Variants in SCARF1 observed in about 807,000 individuals in gnomAD.
SCARF1 encodes the protein scavenger receptor class F member 1, also known as acetyl LDL receptor.
A neutral mutation model predicts 76.3 loss-of-function variants in SCARF1; 49 were observed. The ratio of observed to expected loss-of-function variants is 0.64; its 90% CI spans 0.51 to 0.81. The LOEUF (loss-of-function observed/expected upper bound fraction) is 0.81, where lower values mean the gene tolerates loss of function less well. SCARF1 is among the 40% of genes least tolerant of loss of function. SCARF1 has a pLI of 0.00. For missense variants in SCARF1, 1,098 were observed against 1,143.9 expected (o/e 0.96, Z 0.58); for synonymous variants, 495 against 474.6 (o/e 1.04, Z -0.56).
chr17:1,638,960 T>C (rs1473056036), intron 7 of SCARF1, 34 bp from the exon 8 acceptor site: 1 of 1,552,984 alleles, frequency 6.4e-7, no homozygotes, highest in East Asian at 2.3e-5. Flanking sequence ...TATTCAGGCC[T>C]TCCTGTCTCC....
Position 1,635,281 on chromosome 17 carries a change from G to T in SCARF1, c.1970C>A (p.Ala657Asp). 2 of 1,612,210 alleles carry T rather than the reference G, an allele frequency of 1.2e-6. No homozygotes were observed. The highest frequency in any genetic ancestry group is 1.7e-6 in the Non-Finnish European group (2 of 1,179,248). Residue 657 changes from alanine (A) to aspartate (D), a missense_variant, in exon 11 of 11, where the codon GCC becomes GAC. Coordinates refer to ENST00000263071, the MANE Select transcript of SCARF1 (RefSeq NM_003693.4). ...AAGTGGGGGCCGCCGGTGGCCAGTG[G>T]CTGAATCCCCGGGACTGGCAGCCGC... is the stretch of plus-strand genomic sequence containing the variant. ...FPAAASPGDS[A>D]TGHRRPPLGG... is the part of the protein sequence containing the mutation.
chr17:1,636,780 T>A lies in SCARF1; in HGVS notation c.1562A>T (p.Asp521Val). 6.2e-7 allele frequency: 1 copy of A among 1,612,500 alleles called. No individual in the cohort carries two copies. The highest frequency in any genetic ancestry group is 2.2e-5 in the East Asian group (1 of 44,816). Residue 521 changes from aspartate (D) to valine (V), a missense_variant, in exon 10 of 11, where the codon GAC becomes GTC. Transcript: ENST00000263071. ...EPPSAGWATDDSFSSDPESGE... is the reference protein window; with the variant it reads ...EPPSAGWATDVSFSSDPESGE... The stretch of plus-strand genomic sequence containing the variant: ...AGACTCAGGATCGGATGAGAAGGAG[T>A]CATCAGTGGCCCAGCCGGCAGAGGG...
chr17:1,635,262 G>T lies in SCARF1; in HGVS notation c.1989C>A (p.Pro663=), dbSNP rs774552190. 2 of 1,611,862 alleles carry T rather than the reference G, an allele frequency of 1.2e-6. No individual in the cohort carries two copies. The highest frequency in any genetic ancestry group is 2.2e-5 in the South Asian group (2 of 91,044). ...PGDSATGHRR[P]PLGGRTVAEH... ...CAGCCACTGTCCGGCCACCAAGTGG[G>T]GGCCGCCGGTGGCCAGTGGCTGAAT... The change falls in exon 11 of 11, where the codon CCC becomes CCA. Residue 663 remains proline (P), a synonymous_variant. Coordinates refer to ENST00000263071, the MANE Select transcript of SCARF1 (RefSeq NM_003693.4).
chr17:1,641,584 T>A (rs1188681057), intron 4 of SCARF1, among the ~76,000 whole-genome samples: 1 of 152,236 alleles, frequency 6.6e-6, no homozygotes, highest in African/African-American at 2.4e-5. Flanking sequence ...TGCCTAATAG[T>A]TACCTGAAGT....
intron 10 of SCARF1, among the ~76,000 whole-genome samples, chr17:1,636,289 C>T (rs1251615959): frequency 6.6e-6 from 1 of 152,248 alleles, no homozygotes; most frequent in Admixed American, 6.5e-5. Context: ...GTCTTGTTAT[C>T]TCTTGCATGC....
At chr17:1,642,221 A>C (rs1199527574) in intron 4 of SCARF1, among the ~76,000 whole-genome samples, 1 of 151,804 alleles carries the variant, frequency 6.6e-6, no homozygotes, top group African/African-American at 2.4e-5. Flanking sequence ...TTTAGGGTAC[A>C]TGTGCACATT....
Position 1,635,081 on chromosome 17 carries a change from C to A in SCARF1, c.2170G>T (p.Val724Phe), listed in dbSNP as rs375338375. The A allele has an allele frequency of 3.7e-5, 60 of 1,613,876 alleles. No homozygotes were observed. The highest frequency in any genetic ancestry group is 4.8e-5 in the Non-Finnish European group (57 of 1,180,002). Reference sequence around the variant, plus strand: ...GGAGGCTTAGGGATGGCCCTCTTGACCTTGGCTTCCGCCTGGCCTTTCTGG... The same window carrying A: ...GGAGGCTTAGGGATGGCCCTCTTGAACTTGGCTTCCGCCTGGCCTTTCTGG... The part of the protein sequence containing the change: ...SFQKGQAEAK[V>F]KRAIPKPPRQ... The change falls in exon 11 of 11, where the codon GTC (valine) becomes TTC (phenylalanine). Residue 724 changes from valine to phenylalanine, a missense_variant. By Grantham distance (50) the Val-to-Phe change is conservative. Transcript: ENST00000263071.
intron 8 of SCARF1, among the ~76,000 whole-genome samples, chr17:1,637,559 G>A (rs1357829537): frequency 5.3e-5 from 8 of 151,986 alleles, no homozygotes; most frequent in Non-Finnish European, 8.8e-5. Context: ...CGCAACCTTC[G>A]CCTCCTGGAT....
rs528245900 is a variant in SCARF1, at chr17:1,640,368, G to A, written c.1010+80C>T. 7.8e-7 allele frequency: 1 copy of A among 1,281,170 alleles called. No homozygotes were observed. 79.4% of individuals were successfully genotyped at this position (1,281,170 alleles called of 1,614,324 possible). A position where few individuals can be genotyped will look rare whatever the true frequency, so the allele number is the denominator to read the frequency against. ...CGCATGAACCTGTGTGTCGGGGAGGGTGGTGCTCTCGGAGAGAGCCGCTGA... is the reference window on the plus strand; with the variant it reads ...CGCATGAACCTGTGTGTCGGGGAGGATGGTGCTCTCGGAGAGAGCCGCTGA... On this transcript the variant is annotated intron_variant, in intron 5 of 10. Transcript: ENST00000263071. This position sits in a 1 kb window ranked among gnomAD's most constrained non-coding sequence, Gnocchi z 4.7.
At chr17:1,639,156 G>T (rs1405500201) in intron 7 of SCARF1, among the ~76,000 whole-genome samples, 4 of 152,176 alleles carry the variant, frequency 2.6e-5, no homozygotes, top group African/African-American at 9.7e-5. Flanking sequence ...GCAGGGGCGG[G>T]GGCTCTGTCA....
chr17:1,638,797 G>A lies in SCARF1; in HGVS notation c.1364+9C>T, dbSNP rs1200882766. 1 of 1,601,548 alleles carries A rather than the reference G, an allele frequency of 6.2e-7. No homozygotes were observed. Among genetic ancestry groups the A allele is most frequent in the Admixed American group, 1.7e-5 (1 of 59,296 alleles). ...GAGCTGTGTGGGGAAGGGACGGGCT[G>A]GCGTTCACCTGTCCTTGAGGTCTGA... On this transcript the variant is annotated intron_variant, in intron 8 of 10. Coordinates refer to ENST00000263071, the MANE Select transcript of SCARF1 (RefSeq NM_003693.4).
Position 1,637,904 on chromosome 17 carries a change from G to T in SCARF1, c.1365-842C>A, listed in dbSNP as rs541811506. ...CCTTTGCACCTGTCCTCGTGTCCCT[G>T]CGAGGGGCTTCTTCCCACCCTGGGC... On this transcript the variant is annotated intron_variant, in intron 8 of 10. Transcript: ENST00000263071. Among the ~76,000 whole-genome samples, 4 of 152,316 alleles carry T rather than the reference G, an allele frequency of 2.6e-5. No individual in the cohort carries two copies. In the East Asian group the frequency reaches 5.8e-4, roughly 22 times the overall value.
At position 1,634,855 on chromosome 17, in the gene SCARF1, G is replaced by A. The variant is rs577529995; in HGVS notation, c.2396C>T (p.Ser799Phe). 8.1e-6 allele frequency: 13 copies of A among 1,613,904 alleles called. No homozygotes were observed. Among genetic ancestry groups the A allele is most frequent in the African/African-American group, 1.3e-5 (1 of 74,966 alleles). Residue 799 changes from serine to phenylalanine, a missense_variant, in exon 11 of 11, where the codon TCC becomes TTC. Ser to Phe is a radical substitution (Grantham distance 155). Coordinates refer to ENST00000263071, the MANE Select transcript of SCARF1 (RefSeq NM_003693.4). ...RAQEPVSGCGSPEQDPQKQAE... is the reference protein window; with the variant it reads ...RAQEPVSGCGFPEQDPQKQAE... ...CTGCTTCTGGGGATCCTGTTCTGGG[G>A]AGCCACAGCCAGAGACTGGCTCCTG...
At position 1,645,066 on chromosome 17, in the gene SCARF1, A is replaced by C; in HGVS notation, c.163+112T>G. The C allele has an allele frequency of 4.6e-6, 7 of 1,537,620 alleles. No individual in the cohort carries two copies. The highest frequency in any genetic ancestry group is 6.2e-6 in the Non-Finnish European group (7 of 1,122,324). On this transcript the variant is annotated intron_variant, in intron 2 of 10. Coordinates refer to ENST00000263071, the MANE Select transcript of SCARF1 (RefSeq NM_003693.4). The surrounding 1 kb of genome is among the most constrained non-coding windows in gnomAD (Gnocchi z 6.3). ...AGGCCTGGGGGTGCGTCACAGGAGA[A>C]ACCCTGACTCCTGGTATCAGGAGGG... is the stretch of plus-strand genomic sequence containing the variant.
Position 1,640,477 on chromosome 17 carries a change from C to G in SCARF1, c.981G>C (p.Gln327His). 2 of 1,568,092 alleles carry G rather than the reference C, an allele frequency of 1.3e-6. No homozygotes were observed. Among genetic ancestry groups the G allele is most frequent in the Non-Finnish European group, 1.7e-6 (2 of 1,156,328 alleles). The change falls in exon 5 of 11, where the codon CAG becomes CAC. Residue 327 changes from glutamine to histidine, a missense_variant. Physicochemically the swap from Gln to His is conservative, Grantham distance 24. Coordinates refer to ENST00000263071, the MANE Select transcript of SCARF1 (RefSeq NM_003693.4). This position sits in a 1 kb window ranked among gnomAD's most constrained non-coding sequence, Gnocchi z 4.7. ...GCCCCAGCCAGCCAGGGTCACAGCG[C>G]TGACAGTGGCCAGTATCTGGCTCAC... ...EACEPDTGHC[Q>H]RCDPGWLGPR...
Position 1,645,087 on chromosome 17 carries a change from G to A in SCARF1, c.163+91C>T, listed in dbSNP as rs1910422930. ...GAGAAACCCTGACTCCTGGTATCAG[G>A]AGGGGCAGGCCCCATGGGGTAGGAA... is the stretch of plus-strand genomic sequence containing the variant. On this transcript the variant is annotated intron_variant, in intron 2 of 10. Transcript: ENST00000263071. This position sits in a 1 kb window ranked among gnomAD's most constrained non-coding sequence, Gnocchi z 6.3. The A allele has an allele frequency of 6.4e-7, 1 of 1,567,138 alleles. No individual in the cohort carries two copies. The highest frequency in any genetic ancestry group is 1.3e-5 in the African/African-American group (1 of 74,188).
chr17:1,643,869 C>CCTGGCA lies in SCARF1; in HGVS notation c.358_363dup (p.Cys120_Gln121dup). The CCTGGCA allele has an allele frequency of 7.7e-7, 1 of 1,299,162 alleles. No individual in the cohort carries two copies. Among genetic ancestry groups the CCTGGCA allele is most frequent in the South Asian group, 2.4e-5 (1 of 42,038 alleles). 80.5% of individuals were successfully genotyped at this position (1,299,162 alleles called of 1,614,324 possible). ...TCGCAGCGGGCTCCCCAGCGGTCGG[C>CCTGGCA]CTGGCACTGGCACGCGCCCGTGGCT... is the stretch of plus-strand genomic sequence containing the variant. On this transcript the variant is annotated inframe_insertion, in exon 4 of 11. Transcript: ENST00000263071.
At position 1,644,326 on chromosome 17, in the gene SCARF1, G is replaced by A; in HGVS notation, c.266-359C>T. The A allele has an allele frequency of 3.5e-6, 1 of 289,278 alleles. No homozygotes were observed. Among genetic ancestry groups the A allele is most frequent in the Non-Finnish European group, 6.4e-6 (1 of 155,424 alleles). 17.9% of individuals were successfully genotyped at this position (289,278 alleles called of 1,614,324 possible). On this transcript the variant is annotated intron_variant, in intron 3 of 10. Coordinates refer to ENST00000263071, the MANE Select transcript of SCARF1 (RefSeq NM_003693.4). The surrounding 1 kb of genome is among the most constrained non-coding windows in gnomAD (Gnocchi z 4.8). The stretch of plus-strand genomic sequence containing the variant: ...TCTCTGCTGGGCTGGAGGAGAGCTG[G>A]CTTTCTCCTGATCTCAGGCCTGGAT...
In SCARF1 at chr17:1,640,253, C is replaced by T. The variant is rs374476895; in HGVS notation, c.1010+195G>A. 1 of 765,008 alleles carries T rather than the reference C, an allele frequency of 1.3e-6. No individual in the cohort carries two copies. The highest frequency in any genetic ancestry group is 2.7e-5 in the East Asian group (1 of 37,098). 47.4% of individuals were successfully genotyped at this position (765,008 alleles called of 1,614,324 possible). On this transcript the variant is annotated intron_variant, in intron 5 of 10. Transcript: ENST00000263071. The surrounding 1 kb of genome is among the most constrained non-coding windows in gnomAD (Gnocchi z 4.7). ...CCAGAGGGCGAGGAGGGCAGGAAGC[C>T]TCAGAGGGGAGGGAGCTGGGATCCT...
Sources: gnomAD v4.1 joint callset for allele counts (sites outside exome capture counted in the v4.1 genomes callset) on GRCh38, gnomAD v4.1.1 for gene constraint, Gnocchi (gnomAD v3.1) non-coding constraint, MANE v1.5 for transcripts, NCBI Gene and HGNC (gene_info 2026-07-23, HGNC 2026-07-21) for gene names.